The following EML5 variants were observed in gnomAD, a reference collection of about 807,000 sequenced individuals.
EML5 encodes EMAP like 5.
Under a neutral mutation model 250.0 loss-of-function variants are expected in EML5, and 120 were observed. The observed-to-expected ratio is 0.48, with a 90% confidence interval of 0.41 to 0.56. EML5 has a LOEUF of 0.56. Ranked by LOEUF, EML5 falls within the 20% of genes least tolerant of loss-of-function variation. The probability of loss-of-function intolerance (pLI) is 0.00; values close to 1 mark genes in which losing one functional copy is unlikely to be tolerated. For missense variants in EML5, 2,006 were observed against 2,437.6 expected, an observed-to-expected ratio of 0.82 and a Z score of 3.73; for synonymous variants, 771 against 806.5, an observed-to-expected ratio of 0.96 and a Z score of 0.75.
At chr14:88,746,098 C>T in intron 3 of EML5, 87 bp downstream of exon 3, 2 of 1,084,780 alleles carry the variant, frequency 1.8e-6, no homozygotes, top group East Asian at 2.4e-5. Flanking sequence ...CTGGCAATAA[C>T]AAAATACAGA....
intron 8 of EML5, among the ~76,000 whole-genome samples, chr14:88,720,375 T>C (rs530844843): frequency 6.6e-6 from 1 of 151,920 alleles, no homozygotes; most frequent in South Asian, 2.1e-4. Context: ...AATGCAAAAA[T>C]CCTCAGTAAA....
chr14:88,621,564 T>C, intron 37 of EML5: 1 of 485,294 alleles, frequency 2.1e-6, no homozygotes, highest in Non-Finnish European at 3.6e-6. Context: ...GATTCTTCAA[T>C]AATCAAAGTT....
At chr14:88,752,341 G>T (rs534123933) in intron 2 of EML5, among the ~76,000 whole-genome samples, 1 of 152,158 alleles carries the variant, frequency 6.6e-6, no homozygotes, top group East Asian at 1.9e-4. Flanking sequence ...TAAATAAGTG[G>T]TTTTTAAAAA....
At chr14:88,783,309 G>A (rs2140808018) in intron 1 of EML5, among the ~76,000 whole-genome samples, 1 of 152,210 alleles carries the variant, frequency 6.6e-6, no homozygotes, top group South Asian at 2.1e-4. Context: ...TCTGGAGGAT[G>A]GTGTAAATGT....
At chr14:88,661,860 G>T in intron 24 of EML5, 30 bp from the exon 25 acceptor site, 1 of 1,586,848 alleles carries the variant, frequency 6.3e-7, no homozygotes, top group South Asian at 1.1e-5. Context: ...CTGTAAGTTT[G>T]GATTATCCAA....
At chr14:88,627,504 T>G in intron 34 of EML5, 142 bp downstream of exon 34, 1 of 729,962 alleles carries the variant, frequency 1.4e-6, no homozygotes, top group Middle Eastern at 3.6e-4. Flanking sequence ...ATACCTACAG[T>G]ACCACTGTGT....
rs567486242 is a variant in EML5 at position 88,672,613 on chromosome 14, C to T, written c.3125-7124G>A. 1.1e-4 allele frequency among the ~76,000 whole-genome samples: 17 copies of T among 151,506 alleles called. No homozygotes were observed. In the East Asian group the frequency reaches 2.5e-3, roughly 22 times the overall value. On this transcript the variant is annotated intron_variant, in intron 21 of 43. Transcript: ENST00000554922. ...AAAAAATATTAATGAATCCAGGGGCCGGTTTTTGAAAAAAATTAATAAAAT... is the reference window on the plus strand; with the variant it reads ...AAAAAATATTAATGAATCCAGGGGCTGGTTTTTGAAAAAAATTAATAAAAT...
chr14:88,783,445 A>G (rs571371457), intron 1 of EML5, among the ~76,000 whole-genome samples: 2 of 152,360 alleles, frequency 1.3e-5, no homozygotes, highest in East Asian at 3.9e-4. Flanking sequence ...ACCTATAAAT[A>G]CACACACGGA....
chr14:88,711,405 G>A (rs1460872144), intron 10 of EML5, among the ~76,000 whole-genome samples: 1 of 68,422 alleles, frequency 1.5e-5, no homozygotes, highest in Non-Finnish European at 2.4e-5. Context: ...GAGGCCTCAG[G>A]AAACTTACAA....
intron 8 of EML5, among the ~76,000 whole-genome samples, chr14:88,719,556 G>A (rs1482368835): frequency 6.6e-6 from 1 of 152,176 alleles, no homozygotes; most frequent in Non-Finnish European, 1.5e-5. Context: ...GGGTGCCTCT[G>A]AGGAGTTTGC....
intron 1 of EML5, among the ~76,000 whole-genome samples, chr14:88,762,346 A>C (rs1352916364): frequency 6.6e-6 from 1 of 152,118 alleles, no homozygotes; most frequent in African/African-American, 2.4e-5. Flanking sequence ...CCCAGTCTCT[A>C]ATAAAAATAA....
intron 7 of EML5, among the ~76,000 whole-genome samples, chr14:88,731,916 G>GT (rs1488810494): frequency 6.6e-6 from 1 of 152,104 alleles, no homozygotes; most frequent in Non-Finnish European, 1.5e-5. Flanking sequence ...TGATGGGGTT[G>GT]TTTTTTTCTA....
chr14:88,740,664 G>A (rs2093911457), intron 4 of EML5, 92 bp from the exon 5 acceptor site: 2 of 1,147,316 alleles, frequency 1.7e-6, no homozygotes, highest in South Asian at 2.1e-5. Context: ...TTAGAGCAGT[G>A]AGCTAAAAAT....
At chr14:88,784,037 G>T (rs2094525571) in intron 1 of EML5, among the ~76,000 whole-genome samples, 1 of 152,132 alleles carries the variant, frequency 6.6e-6, no homozygotes, top group South Asian at 2.1e-4. Context: ...TAAACAATAT[G>T]CTCATGAATG....
chr14:88,631,338 C>CGAGT (rs2090427983), intron 33 of EML5, among the ~76,000 whole-genome samples: 1 of 152,200 alleles, frequency 6.6e-6, no homozygotes, highest in Non-Finnish European at 1.5e-5. Context: ...CTCAACCTTC[C>CGAGT]GAGTAGCTGG....
chr14:88,745,286 G>T (rs1443653350), intron 3 of EML5, among the ~76,000 whole-genome samples: 1 of 151,626 alleles, frequency 6.6e-6, no homozygotes, highest in Non-Finnish European at 1.5e-5. Flanking sequence ...CTTTTAGAAT[G>T]ATAAATTCCC....
intron 12 of EML5, 106 bp downstream of exon 12, chr14:88,705,376 C>T: frequency 2.3e-6 from 2 of 872,096 alleles, no homozygotes; most frequent in Non-Finnish European, 3.7e-6. Context: ...TCATACATTG[C>T]TTGAGAAATT....
At chr14:88,732,128 G>A (rs2093769291) in intron 7 of EML5, among the ~76,000 whole-genome samples, 1 of 152,184 alleles carries the variant, frequency 6.6e-6, no homozygotes, top group Admixed American at 6.5e-5. Flanking sequence ...TTTTAGACGT[G>A]AAGTCCTTGC....
intron 21 of EML5, among the ~76,000 whole-genome samples, chr14:88,668,777 A>G (rs1167678015): frequency 9.2e-5 from 14 of 152,200 alleles, no homozygotes; most frequent in African/African-American, 3.1e-4. Context: ...AGTATCCTTT[A>G]AAATTCATAG....
Sources: gnomAD v4.1 joint callset for allele counts (sites outside exome capture counted in the v4.1 genomes callset) on GRCh38, gnomAD v4.1.1 for gene constraint, MANE v1.5 for transcripts, NCBI Gene and HGNC (gene_info 2026-07-23, HGNC 2026-07-21) for gene names.